MMP16: variants seen among roughly 807,000 people sequenced by gnomAD.
MMP16 encodes matrix metalloproteinase-16.
A neutral mutation model predicts 67.8 loss-of-function variants in MMP16; 12 were observed. That is an observed-to-expected ratio of 0.18 (90% CI 0.11 to 0.29). MMP16 has a LOEUF of 0.29. MMP16 is among the 10% of genes least tolerant of loss of function. MMP16 has a pLI of 1.00. For missense variants in MMP16, 475 were observed against 765.7 expected (o/e 0.62, Z 4.48); for synonymous variants, 249 against 255.9 (o/e 0.97, Z 0.26).
chr8:88,151,853 T>C (rs1272127751), intron 4 of MMP16, among the ~76,000 whole-genome samples: 2 of 110,336 alleles, frequency 1.8e-5, no homozygotes, highest in Admixed American at 9.8e-5. Flanking sequence ...AGGCAAGAAA[T>C]AACTAAAATC....
intron 7 of MMP16, among the ~76,000 whole-genome samples, chr8:88,065,968 C>T (rs906850193): frequency 2.0e-5 from 3 of 152,030 alleles, no homozygotes; most frequent in African/African-American, 7.2e-5. Context: ...ATTTTACTGC[C>T]GTCCTCTTTT....
intron 1 of MMP16, among the ~76,000 whole-genome samples, chr8:88,276,361 T>C (rs1810649276): frequency 6.6e-6 from 1 of 152,130 alleles, no homozygotes; most frequent in Non-Finnish European, 1.5e-5. Context: ...CTTTTGCATC[T>C]TTGGTCTCAA....
At chr8:88,130,881 T>G (rs1808017172) in intron 4 of MMP16, among the ~76,000 whole-genome samples, 1 of 151,678 alleles carries the variant, frequency 6.6e-6, no homozygotes, top group African/African-American at 2.4e-5. Flanking sequence ...TTCACTGTAG[T>G]CTTGGAAATT....
Position 88,033,683 on chromosome 8 carries a change from A to G in MMP16, c.*7778T>C, listed in dbSNP as rs1808015363. ...AATCAGATACCTAAAAAAATCTTTC[A>G]AAACTTTTAAGCCTGAAACAAATTT... On this transcript the variant is annotated 3_prime_UTR_variant, in exon 10 of 10. Transcript: ENST00000286614. The G allele has an allele frequency of 6.6e-6, 1 of 152,070 alleles. No homozygotes were observed. Among genetic ancestry groups the G allele is most frequent in the African/African-American group, 2.4e-5 (1 of 41,436 alleles). 9.4% of individuals were successfully genotyped at this position (152,070 alleles called of 1,614,324 possible).
chr8:88,187,705 ACAT>A (rs1251827929), intron 2 of MMP16, among the ~76,000 whole-genome samples: 2 of 152,328 alleles, frequency 1.3e-5, no homozygotes, highest in African/African-American at 4.8e-5. Flanking sequence ...GCTTTTACAA[ACAT>A]AATAACTTCC....
intron 1 of MMP16, among the ~76,000 whole-genome samples, chr8:88,294,277 T>C (rs1444196634): frequency 5.5e-5 from 8 of 145,142 alleles, no homozygotes; most frequent in East Asian, 2.0e-4. Flanking sequence ...TATCTATATA[T>C]ACACACACAC....
At chr8:88,273,550 T>C (rs947490773) in intron 1 of MMP16, among the ~76,000 whole-genome samples, 1 of 152,260 alleles carries the variant, frequency 6.6e-6, no homozygotes, top group South Asian at 2.1e-4. Context: ...CAAATTAAAT[T>C]GAGTAAATTT....
chr8:88,149,576 G>A (rs1314243287), intron 4 of MMP16, among the ~76,000 whole-genome samples: 1 of 152,074 alleles, frequency 6.6e-6, no homozygotes, highest in Non-Finnish European at 1.5e-5. Context: ...CAGCCTAACT[G>A]GGAGGCACCC....
chr8:88,068,632 C>T (rs1808493939), intron 7 of MMP16, among the ~76,000 whole-genome samples: 1 of 151,898 alleles, frequency 6.6e-6, no homozygotes, highest in South Asian at 2.1e-4. Flanking sequence ...AATTACTTGT[C>T]CATATATGTT....
In MMP16 at chr8:88,034,584, G is replaced by A. The variant is rs955673370; in HGVS notation, c.*6877C>T. On this transcript the variant is annotated 3_prime_UTR_variant, in exon 10 of 10. Coordinates refer to ENST00000286614, the MANE Select transcript of MMP16 (RefSeq NM_005941.5). Reference sequence around the variant, plus strand: ...AATGGTATAGACAGCCAATAATGTGGCCTCTGTGACGGTATTTCAGTAATA... The same window carrying A: ...AATGGTATAGACAGCCAATAATGTGACCTCTGTGACGGTATTTCAGTAATA... 3 of 152,234 alleles carry A rather than the reference G, an allele frequency of 2.0e-5. No individual in the cohort carries two copies. The highest frequency in any genetic ancestry group is 7.2e-5 in the African/African-American group (3 of 41,406). The allele number at this position is 152,234 out of a possible 1,614,324, so 9.4% of individuals were successfully genotyped here.
At chr8:88,196,647 G>C (rs1011446062) in intron 2 of MMP16, among the ~76,000 whole-genome samples, 1 of 152,090 alleles carries the variant, frequency 6.6e-6, no homozygotes, top group Non-Finnish European at 1.5e-5. Flanking sequence ...ATTTAGAACC[G>C]TCAGCAGTGG....
At chr8:88,153,769 GA>G (rs1257026829) in intron 4 of MMP16, among the ~76,000 whole-genome samples, 7 of 150,286 alleles carry the variant, frequency 4.7e-5, no homozygotes, top group Non-Finnish European at 3.0e-5. Flanking sequence ...AACCCTAGAA[GA>G]AAACCTAGGC....
At chr8:88,089,257 G>A (rs983955181) in intron 6 of MMP16, among the ~76,000 whole-genome samples, 3 of 151,944 alleles carry the variant, frequency 2.0e-5, no homozygotes, top group African/African-American at 4.8e-5. Flanking sequence ...AAAACTTTAC[G>A]GGTTTTTCTT....
chr8:88,110,406 T>C (rs1240432715), intron 6 of MMP16, among the ~76,000 whole-genome samples: 2 of 151,630 alleles, frequency 1.3e-5, no homozygotes, highest in Admixed American at 6.6e-5. Flanking sequence ...CTCCCTAAAA[T>C]GTGTACTAAA....
intron 7 of MMP16, among the ~76,000 whole-genome samples, chr8:88,065,315 A>G (rs1201523347): frequency 6.6e-6 from 1 of 152,130 alleles, no homozygotes; most frequent in East Asian, 1.9e-4. Context: ...TACACAAGTA[A>G]TATTGACAGG....
chr8:88,181,425 C>T (rs1808979125), intron 3 of MMP16, among the ~76,000 whole-genome samples: 1 of 151,604 alleles, frequency 6.6e-6, no homozygotes. Flanking sequence ...AAACATAATA[C>T]CATTTAAATT....
At position 88,281,516 on chromosome 8, in the gene MMP16, G is replaced by A. The variant is rs191762488; in HGVS notation, c.132+45559C>T. Among the ~76,000 whole-genome samples the A allele has an allele frequency of 1.8e-3, 267 of 152,296 alleles. 1 individual carries two copies. Among genetic ancestry groups the A allele is most frequent in the Non-Finnish European group, 2.9e-3 (199 of 68,010 alleles). On this transcript the variant is annotated intron_variant, in intron 1 of 9. Transcript: ENST00000286614. ...TGAGAAGGAAACTGAGATTGTTGTG[G>A]ATGTTAATATCAGAACCAAATTAAA...
chr8:88,189,978 C>T (rs2129763480), intron 2 of MMP16, among the ~76,000 whole-genome samples: 1 of 152,248 alleles, frequency 6.6e-6, no homozygotes, highest in African/African-American at 2.4e-5. Flanking sequence ...TGTCATTTTG[C>T]ATATACTGAT....
intron 4 of MMP16, among the ~76,000 whole-genome samples, chr8:88,125,578 T>C (rs918512625): frequency 2.6e-5 from 4 of 151,946 alleles, no homozygotes; most frequent in Non-Finnish European, 4.4e-5. Flanking sequence ...TAGGAAAATA[T>C]TTGAATAATC....
Sources: gnomAD v4.1 joint callset for allele counts (sites outside exome capture counted in the v4.1 genomes callset) on GRCh38, gnomAD v4.1.1 for gene constraint, MANE v1.5 for transcripts, NCBI Gene and HGNC (gene_info 2026-07-23, HGNC 2026-07-21) for gene names.